Variants in DAAM2 observed in about 807,000 individuals in gnomAD.
DAAM2 encodes the protein dishevelled associated activator of morphogenesis 2.
A neutral mutation model predicts 120.7 loss-of-function variants in DAAM2; 39 were observed. The ratio of observed to expected loss-of-function variants is 0.32; its 90% CI spans 0.25 to 0.42. The LOEUF (loss-of-function observed/expected upper bound fraction) is 0.42. DAAM2 is among the 10% of genes least tolerant of loss of function. DAAM2 has a pLI of 1.00. For missense variants in DAAM2, 1,283 were observed against 1,401.7 expected, an observed-to-expected ratio of 0.92 and a Z score of 1.35; for synonymous variants, 488 against 524.9, an observed-to-expected ratio of 0.93 and a Z score of 0.96.
chr6:39,901,424 G>A lies in DAAM2; in HGVS notation c.2934G>A (p.Met978Ile). The A allele has an allele frequency of 6.2e-7, 1 of 1,613,268 alleles. No individual in the cohort carries two copies. Among genetic ancestry groups the A allele is most frequent in the South Asian group, 1.1e-5 (1 of 91,068 alleles). ...FSEARQDLEA[M>I]RRRKEEEERR... ...AGGCCCGGCAGGATCTAGAGGCCAT[G>A]AGGAGGAGGAAGGAGGAGGAGGAGC... The change falls in exon 24 of 25, where the codon ATG becomes ATA. Residue 978 changes from methionine (M) to isoleucine (I), a missense_variant. Met to Ile is a conservative substitution (Grantham distance 10). This residue lies in a region of DAAM2 where 748 missense variants were observed against 768.6 expected (regional missense o/e 0.97). Coordinates refer to ENST00000274867, the MANE Select transcript of DAAM2 (RefSeq NM_001201427.2). The surrounding 1 kb of genome is among the most constrained non-coding windows in gnomAD (Gnocchi z 4.5).
At chr6:39,819,967 A>G (rs901521042) in intron 1 of DAAM2, 4 of 152,290 alleles carry the variant, frequency 2.6e-5, no homozygotes, top group African/African-American at 9.6e-5. Flanking sequence ...GGACACACAC[A>G]TTCAGTCCAT....
intron 1 of DAAM2, among the ~76,000 whole-genome samples, chr6:39,792,748 T>G (rs985834668): frequency 8.5e-5 from 13 of 152,218 alleles, no homozygotes; most frequent in African/African-American, 3.1e-4. Flanking sequence ...GGAAATGTCT[T>G]TGGAAAACTT....
intron 1 of DAAM2, among the ~76,000 whole-genome samples, chr6:39,847,971 C>T (rs1350404107): frequency 6.6e-6 from 1 of 152,192 alleles, no homozygotes; most frequent in Non-Finnish European, 1.5e-5. Flanking sequence ...TCCCACTGCA[C>T]CTTTTTGAGC....
intron 5 of DAAM2, chr6:39,867,234 T>G (rs1764467921): frequency 2.3e-6 from 1 of 430,212 alleles, no homozygotes; most frequent in Admixed American, 3.6e-5. Flanking sequence ...GCTCTGATAA[T>G]TATCATGATC....
intron 16 of DAAM2, 171 bp downstream of exon 16, chr6:39,887,763 C>T (rs944971022): frequency 1.0e-4 from 56 of 562,228 alleles, no homozygotes; most frequent in Non-Finnish European, 1.6e-4. Flanking sequence ...TGGGGCTCTG[C>T]AGGCAGGAAA....
intron 7 of DAAM2, among the ~76,000 whole-genome samples, chr6:39,869,883 G>C (rs1231025941): frequency 1.3e-5 from 2 of 151,362 alleles, no homozygotes; most frequent in Non-Finnish European, 1.5e-5. Context: ...CCTTTTCATG[G>C]CTGGCATGTG....
intron 1 of DAAM2, among the ~76,000 whole-genome samples, chr6:39,799,715 T>G (rs1405253637): frequency 6.6e-6 from 1 of 152,242 alleles, no homozygotes; most frequent in Non-Finnish European, 1.5e-5. Flanking sequence ...AAATATATTC[T>G]TCATTTGATT....
chr6:39,903,676 G>GTGTAGATCTCGGTGGTC lies in DAAM2; in HGVS notation c.*1639_*1640insTGTAGATCTCGGTGGTC. 1 of 163,360 alleles carries GTGTAGATCTCGGTGGTC rather than the reference G, an allele frequency of 6.1e-6. No individual in the cohort carries two copies. The allele number at this position is 163,360 out of a possible 1,614,324, so 10.1% of individuals were successfully genotyped here. ...ATTGCCAGTGGAGACTGGTGAGCTG[G>GTGTAGATCTCGGTGGTC]GCCTACTCTCAGCTGCCTATCTTCT... is the stretch of plus-strand genomic sequence containing the variant. On this transcript the variant is annotated 3_prime_UTR_variant, in exon 25 of 25. Coordinates refer to ENST00000274867, the MANE Select transcript of DAAM2 (RefSeq NM_001201427.2).
intron 1 of DAAM2, among the ~76,000 whole-genome samples, chr6:39,824,594 A>G (rs1762602547): frequency 6.6e-6 from 1 of 152,114 alleles, no homozygotes; most frequent in South Asian, 2.1e-4. Context: ...CAAACCCCAC[A>G]TCCTTGACAG....
intron 1 of DAAM2, among the ~76,000 whole-genome samples, chr6:39,823,673 C>T (rs951525677): frequency 1.3e-5 from 2 of 152,262 alleles, no homozygotes; most frequent in Admixed American, 1.3e-4. Context: ...GGTGAGAAGG[C>T]CATCGCATGA....
chr6:39,888,791 A>AACTG (rs781299224), intron 17 of DAAM2, 28 bp downstream of exon 17: 1 of 1,585,784 alleles, frequency 6.3e-7, no homozygotes, highest in Non-Finnish European at 8.6e-7. Flanking sequence ...AAGGAAGGGG[A>AACTG]ACTGAACCCA....
At position 39,879,468 on chromosome 6, in the gene DAAM2, G is replaced by A. The variant is rs1229036894; in HGVS notation, c.1836G>A (p.Lys612=). The stretch of plus-strand genomic sequence containing the variant: ...CACTGAAGTCCTTCAACTGGGTGAA[G>A]CTGAATGAGGTGAGCATCTGGGAAG... ...SHPLKSFNWV[K]LNEERVPGTV... Residue 612 remains lysine, a synonymous_variant, in exon 14 of 25, where the codon AAG becomes AAA. Coordinates refer to ENST00000274867, the MANE Select transcript of DAAM2 (RefSeq NM_001201427.2). 6.2e-7 allele frequency: 1 copy of A among 1,614,074 alleles called. No homozygotes were observed. The highest frequency in any genetic ancestry group is 1.1e-5 in the South Asian group (1 of 91,082).
intron 1 of DAAM2, among the ~76,000 whole-genome samples, chr6:39,818,434 T>C (rs1434263002): frequency 1.3e-5 from 2 of 152,154 alleles, no homozygotes; most frequent in Non-Finnish European, 2.9e-5. Flanking sequence ...TTATTTTATC[T>C]GAGGATGAAA....
intron 19 of DAAM2, among the ~76,000 whole-genome samples, chr6:39,893,501 G>A (rs1582759575): frequency 6.6e-6 from 1 of 151,682 alleles, no homozygotes; most frequent in Non-Finnish European, 1.5e-5. Context: ...CTGGGCAACA[G>A]AGCATGACTC....
rs1184420757 is a variant in DAAM2, at chr6:39,902,299, A to G, written c.*262A>G. ...AGGCTGCCTTGGATGGCCTCAGGCCAGGTAACCCCAGGCTGAAGGGGCCCT... is the reference window on the plus strand; with the variant it reads ...AGGCTGCCTTGGATGGCCTCAGGCCGGGTAACCCCAGGCTGAAGGGGCCCT... On this transcript the variant is annotated 3_prime_UTR_variant, in exon 25 of 25. Coordinates refer to ENST00000274867, the MANE Select transcript of DAAM2 (RefSeq NM_001201427.2). The G allele has an allele frequency of 3.1e-5, 11 of 359,614 alleles. No individual in the cohort carries two copies. Among genetic ancestry groups the G allele is most frequent in the South Asian group, 7.8e-5 (1 of 12,780 alleles). 22.3% of individuals were successfully genotyped at this position (359,614 alleles called of 1,614,324 possible). A position where few individuals can be genotyped will look rare whatever the true frequency, so the allele number is the denominator to read the frequency against.
chr6:39,843,880 T>C (rs1468349376), intron 1 of DAAM2, among the ~76,000 whole-genome samples: 1 of 152,058 alleles, frequency 6.6e-6, no homozygotes, highest in African/African-American at 2.4e-5. Flanking sequence ...GCTGTGGCTG[T>C]GGGGATGCGT....
Position 39,901,680 on chromosome 6 carries a change from G to A in DAAM2, c.2983-133G>A, listed in dbSNP as rs1291874078. ...GCTGGGGGCCTGTATGTCCTAGGCA[G>A]GAAGAAAGTGGGGCCAACAGATACA... On this transcript the variant is annotated intron_variant, in intron 24 of 24. Coordinates refer to ENST00000274867, the MANE Select transcript of DAAM2 (RefSeq NM_001201427.2). This position sits in a 1 kb window ranked among gnomAD's most constrained non-coding sequence, Gnocchi z 4.5. 1 of 1,003,432 alleles carries A rather than the reference G, an allele frequency of 1.0e-6. No homozygotes were observed. The highest frequency in any genetic ancestry group is 2.9e-5 in the Admixed American group (1 of 34,198). The allele number at this position is 1,003,432 out of a possible 1,614,324, so 62.2% of individuals were successfully genotyped here. A position where few individuals can be genotyped will look rare whatever the true frequency, so the allele number is the denominator to read the frequency against.
intron 1 of DAAM2, among the ~76,000 whole-genome samples, chr6:39,805,377 A>G (rs1437765164): frequency 2.6e-5 from 4 of 152,134 alleles, no homozygotes; most frequent in Non-Finnish European, 5.9e-5. Context: ...AATACTTAGA[A>G]CAGTGCCTGG....
intron 1 of DAAM2, among the ~76,000 whole-genome samples, chr6:39,832,684 A>C (rs948856199): frequency 4.6e-5 from 7 of 152,040 alleles, no homozygotes; most frequent in African/African-American, 1.4e-4. Context: ...CCTCCCCTGA[A>C]TGGTCTGGCT....
Sources: allele counts gnomAD v4.1 joint callset (sites outside exome capture counted in the v4.1 genomes callset), GRCh38; gene constraint gnomAD v4.1.1; regional missense constraint gnomAD v4.1.1; non-coding constraint Gnocchi (gnomAD v3.1); transcripts MANE v1.5; gene names NCBI Gene and HGNC (gene_info 2026-07-23, HGNC 2026-07-21).